The following FAT3 variants were observed in gnomAD, a reference collection of about 807,000 sequenced individuals.
FAT3 encodes the protein protocadherin Fat 3.
In FAT3, 95 loss-of-function variants were observed where a neutral mutation model predicts 310.2. The ratio of observed to expected loss-of-function variants is 0.31; its 90% confidence interval spans 0.26 to 0.36. The LOEUF (loss-of-function observed/expected upper bound fraction) is 0.36. FAT3 is among the 10% of genes least tolerant of loss of function. The pLI is 1.00. For synonymous variants in FAT3, 2,314 were observed against 2,192.9 expected (o/e 1.06, Z -1.54); for missense variants, 5,408 against 5,715.6 (o/e 0.95, Z 1.74).
At chr11:92,625,423 C>G (rs1460228683) in intron 3 of FAT3, among the ~76,000 whole-genome samples, 1 of 152,084 alleles carries the variant, frequency 6.6e-6, no homozygotes, top group Non-Finnish European at 1.5e-5. Context: ...TGACATTAAT[C>G]CATGTTTCAA....
rs374283712 is a variant in FAT3, at chr11:92,352,956, T to C, written c.844T>C (p.Tyr282His). The C allele has an allele frequency of 4.3e-6, 7 of 1,613,724 alleles. No homozygotes were observed. In the African/African-American group the frequency reaches 9.3e-5, roughly 22 times the overall value. The change falls in exon 2 of 28, where the codon TAT becomes CAT. Residue 282 changes from tyrosine (Y) to histidine (H), a missense_variant. Around this residue, in one of 5 missense-constraint regions of FAT3, gnomAD observed 4,588 missense variants for 4,809.8 expected, o/e 0.95. Coordinates refer to ENST00000525166, the MANE Select transcript of FAT3 (RefSeq NM_001367949.2). ...VPFSLEKEPT[Y>H]AVVTVDDLDD... ...TTTCTCGTTGGAAAAAGAGCCAACATATGCAGTGGTGACAGTTGATGACTT... is the reference window on the plus strand; with the variant it reads ...TTTCTCGTTGGAAAAAGAGCCAACACATGCAGTGGTGACAGTTGATGACTT...
chr11:92,862,176 T>G (rs1949134946), intron 21 of FAT3, among the ~76,000 whole-genome samples: 1 of 152,196 alleles, frequency 6.6e-6, no homozygotes, highest in African/African-American at 2.4e-5. Context: ...AATATCATTA[T>G]GAGAAAGTCT....
chr11:92,741,179 C>T (rs1444786581), intron 4 of FAT3, among the ~76,000 whole-genome samples: 1 of 152,096 alleles, frequency 6.6e-6, no homozygotes, highest in East Asian at 1.9e-4. Flanking sequence ...GTAACTGGGA[C>T]CAAAGGTGCA....
At chr11:92,291,137 G>A (rs1946682586) in intron 1 of FAT3, among the ~76,000 whole-genome samples, 1 of 139,618 alleles carries the variant, frequency 7.2e-6, no homozygotes, top group Non-Finnish European at 1.6e-5. Flanking sequence ...GCAGAAGTAG[G>A]TGGGTATTTT....
Position 92,444,592 on chromosome 11 carries a change from A to G in FAT3, c.3293-80042A>G, listed in dbSNP as rs547160248. 4.0e-5 allele frequency among the ~76,000 whole-genome samples: 6 copies of G among 148,602 alleles called. No homozygotes were observed. The South Asian group carries it at 1.3e-3, about 33-fold the overall frequency. On this transcript the variant is annotated intron_variant, in intron 2 of 27. Coordinates refer to ENST00000525166, the MANE Select transcript of FAT3 (RefSeq NM_001367949.2). ...TAAGTTTATTTAGAGTCCATCTCAG[A>G]CGTAGGAGGACATATCCACCAAGCT...
intron 1 of FAT3, among the ~76,000 whole-genome samples, chr11:92,339,562 G>T (rs929358677): frequency 6.6e-6 from 1 of 152,310 alleles, no homozygotes; most frequent in African/African-American, 2.4e-5. Context: ...ATAATAGTAA[G>T]TATTGCAAAT....
chr11:92,710,686 T>C (rs146487309), intron 4 of FAT3, among the ~76,000 whole-genome samples: 81 of 152,334 alleles, frequency 5.3e-4, no homozygotes, highest in African/African-American at 1.8e-3. Context: ...GAATGAAGAA[T>C]TACAAATATC....
chr11:92,238,722 A>T (rs918771490), intron 1 of FAT3, among the ~76,000 whole-genome samples: 1 of 152,044 alleles, frequency 6.6e-6, no homozygotes, highest in Admixed American at 6.6e-5. Flanking sequence ...AATACTATGC[A>T]TGTGTTTAAT....
At chr11:92,492,916 A>G (rs1952649599) in intron 2 of FAT3, among the ~76,000 whole-genome samples, 1 of 152,106 alleles carries the variant, frequency 6.6e-6, no homozygotes, top group Non-Finnish European at 1.5e-5. Context: ...GCTGGCAAAA[A>G]CAAATGAGGT....
At chr11:92,342,902 A>G (rs1363134390) in intron 1 of FAT3, among the ~76,000 whole-genome samples, 2 of 152,040 alleles carry the variant, frequency 1.3e-5, no homozygotes, top group African/African-American at 4.8e-5. Context: ...CTCTTATACC[A>G]TGATGAATTT....
chr11:92,846,174 C>G (rs1358195670), intron 19 of FAT3, among the ~76,000 whole-genome samples: 1 of 152,070 alleles, frequency 6.6e-6, no homozygotes, highest in Non-Finnish European at 1.5e-5. Context: ...GTGATTCACA[C>G]CAGGGTTCAA....
At position 92,844,633 on chromosome 11, in the gene FAT3, G is replaced by T. The variant is rs1244829184; in HGVS notation, c.11266G>T (p.Gly3756Cys). The change falls in exon 19 of 28, where the codon GGC becomes TGC. Residue 3756 changes from glycine (G) to cysteine (C), a missense_variant. Gly to Cys is a radical substitution (Grantham distance 159). This residue lies in a region of FAT3 where 4,588 missense variants were observed against 4,809.8 expected (regional missense o/e 0.95). Transcript: ENST00000525166. ...LDCQEQHCEQ[G>C]LSLDSHALMT... is the part of the protein sequence containing the mutation. ...CTGTCAGGAACAGCATTGTGAGCAA[G>T]GCTTGTCACTCGATTCCCACGCGCT... 1 of 1,612,354 alleles carries T rather than the reference G, an allele frequency of 6.2e-7. No homozygotes were observed. Among genetic ancestry groups the T allele is most frequent in the African/African-American group, 1.3e-5 (1 of 74,918 alleles).
chr11:92,726,677 A>G (rs1312229279), intron 4 of FAT3, among the ~76,000 whole-genome samples: 2 of 151,966 alleles, frequency 1.3e-5, no homozygotes, highest in Non-Finnish European at 2.9e-5. Context: ...GAATGGTTAA[A>G]CTAAAAAATA....
At chr11:92,272,899 G>T (rs1181659469) in intron 1 of FAT3, among the ~76,000 whole-genome samples, 1 of 152,158 alleles carries the variant, frequency 6.6e-6, no homozygotes, top group Non-Finnish European at 1.5e-5. Context: ...GACAGATGGA[G>T]CTCTGGCCAG....
At chr11:92,446,700 T>C (rs1951219274) in intron 2 of FAT3, among the ~76,000 whole-genome samples, 1 of 152,180 alleles carries the variant, frequency 6.6e-6, no homozygotes, top group Non-Finnish European at 1.5e-5. Context: ...ACGCATTAAA[T>C]TGTAAAGATA....
chr11:92,527,822 T>C (rs552203521), intron 3 of FAT3, among the ~76,000 whole-genome samples: 1 of 152,126 alleles, frequency 6.6e-6, no homozygotes, highest in Non-Finnish European at 1.5e-5. Flanking sequence ...AGTGTGTAGA[T>C]AGATAGATAG....
At chr11:92,588,485 T>C (rs2135552585) in intron 3 of FAT3, among the ~76,000 whole-genome samples, 1 of 152,188 alleles carries the variant, frequency 6.6e-6, no homozygotes, top group East Asian at 1.9e-4. Flanking sequence ...CTTGAGTGAT[T>C]AGTTCCAACA....
At chr11:92,681,598 G>A (rs940469756) in intron 3 of FAT3, among the ~76,000 whole-genome samples, 12 of 152,180 alleles carry the variant, frequency 7.9e-5, no homozygotes, top group Admixed American at 5.2e-4. Context: ...GCAAGTGGGA[G>A]AGCTGGAAAA....
chr11:92,817,516 C>T (rs750133857), intron 13 of FAT3, among the ~76,000 whole-genome samples: 7 of 152,176 alleles, frequency 4.6e-5, no homozygotes, highest in Non-Finnish European at 8.8e-5. Context: ...CTGGCATTCA[C>T]TAATAATGGT....
Sources: allele counts gnomAD v4.1 joint callset (sites outside exome capture counted in the v4.1 genomes callset), GRCh38; gene constraint gnomAD v4.1.1; regional missense constraint gnomAD v4.1.1; transcripts MANE v1.5; gene names NCBI Gene and HGNC (gene_info 2026-07-23, HGNC 2026-07-21).